HCK: variants seen among roughly 807,000 people sequenced by gnomAD.
The protein encoded by HCK is tyrosine-protein kinase HCK.
A neutral mutation model predicts 70.4 loss-of-function variants in HCK; 40 were observed. The observed-to-expected ratio is 0.57, with a 90% CI of 0.44 to 0.74. The LOEUF (loss-of-function observed/expected upper bound fraction) is 0.74, where lower values mean the gene tolerates loss of function less well. Among genes scored for constraint, HCK ranks in the 30% least tolerant of loss-of-function variants. The pLI is 0.00. For synonymous variants in HCK, 245 were observed against 263.2 expected, an observed-to-expected ratio of 0.93 and a Z score of 0.67; for missense variants, 568 against 697.2, an observed-to-expected ratio of 0.81 and a Z score of 2.09.
In HCK at chr20:32,101,715, T is replaced by C; in HGVS notation, c.*196T>C. 2.1e-6 allele frequency: 1 copy of C among 481,904 alleles called. No homozygotes were observed. Among genetic ancestry groups the C allele is most frequent in the Non-Finnish European group, 3.7e-6 (1 of 271,690 alleles). The allele number at this position is 481,904 out of a possible 1,614,324, so 29.9% of individuals were successfully genotyped here. A position where few individuals can be genotyped will look rare whatever the true frequency, so the allele number is the denominator to read the frequency against. ...GACTCTTGCAATCCACAATCTGACA[T>C]TCTCAGGAAGCCCCCAAGTTGATAT... On this transcript the variant is annotated 3_prime_UTR_variant, in exon 13 of 13. Coordinates refer to ENST00000375852, the MANE Select transcript of HCK (RefSeq NM_002110.5).
At chr20:32,100,622 G>A (rs1206417854) in intron 12 of HCK, among the ~76,000 whole-genome samples, 7 of 152,192 alleles carry the variant, frequency 4.6e-5, no homozygotes, top group Admixed American at 4.6e-4. Flanking sequence ...TTGAGTTCAT[G>A]AGTTTGGAGT....
At chr20:32,085,712 A>T (rs2045775530) in intron 8 of HCK, among the ~76,000 whole-genome samples, 1 of 152,126 alleles carries the variant, frequency 6.6e-6, no homozygotes, top group Admixed American at 6.5e-5. Flanking sequence ...TATAAAATTG[A>T]CAAGACCCAC....
rs567325785 is a variant in HCK, at chr20:32,063,363, C to T, written c.63-8299C>T. On this transcript the variant is annotated intron_variant, in intron 1 of 12. Coordinates refer to ENST00000375852, the MANE Select transcript of HCK (RefSeq NM_002110.5). ...AACCTCCCAGGCTCAAGTGATCCTC[C>T]CACCTCAGCCTCCCAAGTAGCTGGG... Among the ~76,000 whole-genome samples, 66 of 152,252 alleles carry T rather than the reference C, an allele frequency of 4.3e-4. No individual in the cohort carries two copies. The South Asian group carries it at 6.0e-3, about 14-fold the overall frequency.
At chr20:32,052,532 G>A in intron 1 of HCK, 46 bp downstream of exon 1, 1 of 1,231,410 alleles carries the variant, frequency 8.1e-7, no homozygotes. Context: ...CCCGCGAGGG[G>A]TCCCAGGAGG....
At chr20:32,071,351 A>G (rs1165577378) in intron 1 of HCK, among the ~76,000 whole-genome samples, 1 of 152,144 alleles carries the variant, frequency 6.6e-6, no homozygotes, top group Non-Finnish European at 1.5e-5. Context: ...TACCTGTTAC[A>G]TTTCTGTTAT....
Position 32,052,395 on chromosome 20 carries a change from T to A in HCK, c.-30T>A. On this transcript the variant is annotated 5_prime_UTR_variant, in exon 1 of 13. Coordinates refer to ENST00000375852, the MANE Select transcript of HCK (RefSeq NM_002110.5). Reference sequence around the variant, plus strand: ...TTCTAGAAAGTCAGTTTCCCGGCACTGGCACCCCGGAACCTCAGGGGCTGC... The same window carrying A: ...TTCTAGAAAGTCAGTTTCCCGGCACAGGCACCCCGGAACCTCAGGGGCTGC... 7.8e-7 allele frequency: 1 copy of A among 1,284,036 alleles called. No individual in the cohort carries two copies. Among genetic ancestry groups the A allele is most frequent in the Non-Finnish European group, 9.9e-7 (1 of 1,005,926 alleles). 79.5% of individuals were successfully genotyped at this position (1,284,036 alleles called of 1,614,324 possible). A position where few individuals can be genotyped will look rare whatever the true frequency, so the allele number is the denominator to read the frequency against.
At chr20:32,052,805 T>TGGGGGGGGGG (rs776706589) in intron 1 of HCK, among the ~76,000 whole-genome samples, 2 of 133,456 alleles carry the variant, frequency 1.5e-5, no homozygotes, top group Non-Finnish European at 1.7e-5. Flanking sequence ...GGATTTTTTT[T>TGGGGGGGGGG]TTAATTTAAA....
At chr20:32,100,906 T>C (rs186590248) in intron 12 of HCK, among the ~76,000 whole-genome samples, 46 of 152,284 alleles carry the variant, frequency 3.0e-4, no homozygotes, top group Non-Finnish European at 5.0e-4. Context: ...CAATCTTCCA[T>C]TGGTGACTGG....
At chr20:32,071,833 A>T in intron 2 of HCK, 51 bp downstream of exon 2, 1 of 1,593,628 alleles carries the variant, frequency 6.3e-7, no homozygotes, top group Non-Finnish European at 8.6e-7. Flanking sequence ...TGCTGCCCCA[A>T]CATTGCCCTA....
chr20:32,058,591 T>G (rs1327306056), intron 1 of HCK, among the ~76,000 whole-genome samples: 1 of 133,326 alleles, frequency 7.5e-6, no homozygotes, highest in African/African-American at 2.8e-5. Flanking sequence ...GCAGCACAAT[T>G]CCTTTTATGT....
chr20:32,093,800 T>C, intron 10 of HCK, 63 bp from the exon 11 acceptor site: 7 of 1,497,442 alleles, frequency 4.7e-6, no homozygotes, highest in Non-Finnish European at 6.3e-6. Context: ...CTGCTGCTTT[T>C]GGGTGGGGCC....
Position 32,084,397 on chromosome 20 carries a change from A to C in HCK, c.689A>C (p.Asn230Thr), listed in dbSNP as rs754800488. The change falls in exon 8 of 13, where the codon AAC (asparagine) becomes ACC (threonine). Residue 230 changes from asparagine to threonine, a missense_variant. Asn to Thr is a moderately conservative substitution (Grantham distance 65). Transcript: ENST00000375852. Reference sequence around the variant, plus strand: ...ACCAGGGACTCTGTTCCAGAGGGGAACGACGGGCTCTGCCAGAAACTGTCG... The same window carrying C: ...ACCAGGGACTCTGTTCCAGAGGGGACCGACGGGCTCTGCCAGAAACTGTCG... 42 of 1,612,738 alleles carry C rather than the reference A, an allele frequency of 2.6e-5. No homozygotes were observed. Among genetic ancestry groups the C allele is most frequent in the Non-Finnish European group, 3.2e-5 (38 of 1,179,276 alleles).
At chr20:32,053,109 C>T (rs1325245350) in intron 1 of HCK, among the ~76,000 whole-genome samples, 2 of 152,308 alleles carry the variant, frequency 1.3e-5, no homozygotes, top group East Asian at 3.9e-4. Context: ...GAATTCGTTT[C>T]CTCATCTGTA....
At chr20:32,068,056 G>A (rs532972532) in intron 1 of HCK, among the ~76,000 whole-genome samples, 1 of 152,194 alleles carries the variant, frequency 6.6e-6, no homozygotes, top group African/African-American at 2.4e-5. Flanking sequence ...CAGTACTTTG[G>A]GAGGCCAAGG....
chr20:32,092,738 C>T (rs1198642939), intron 10 of HCK, among the ~76,000 whole-genome samples: 1 of 152,032 alleles, frequency 6.6e-6, no homozygotes, highest in Admixed American at 6.6e-5. Context: ...GCCACACTGA[C>T]CTCTGTGCTG....
chr20:32,064,777 G>T (rs1292650912), intron 1 of HCK, among the ~76,000 whole-genome samples: 1 of 152,232 alleles, frequency 6.6e-6, no homozygotes, highest in African/African-American at 2.4e-5. Context: ...TCCACAGCCA[G>T]CATGGTAACC....
chr20:32,099,577 C>T (rs1240665337), intron 12 of HCK, among the ~76,000 whole-genome samples: 6 of 151,986 alleles, frequency 3.9e-5, no homozygotes, highest in African/African-American at 4.8e-5. Flanking sequence ...AGGCTGGTCT[C>T]GAACTGCTGA....
intron 6 of HCK, among the ~76,000 whole-genome samples, chr20:32,080,105 T>C (rs2045688384): frequency 6.6e-6 from 1 of 152,262 alleles, no homozygotes; most frequent in South Asian, 2.1e-4. Context: ...TCAGTGGAAC[T>C]AGTGCCAGGT....
intron 11 of HCK, 66 bp downstream of exon 11, chr20:32,094,082 A>G: frequency 6.7e-7 from 1 of 1,484,292 alleles, no homozygotes; most frequent in Non-Finnish European, 9.2e-7. Context: ...GAGAGTTGAT[A>G]CTTGTGAGAG....
Sources: gnomAD v4.1 joint callset for allele counts (sites outside exome capture counted in the v4.1 genomes callset) on GRCh38, gnomAD v4.1.1 for gene constraint, MANE v1.5 for transcripts, NCBI Gene and HGNC (gene_info 2026-07-23, HGNC 2026-07-21) for gene names.